EEA1: variants seen among roughly 807,000 people sequenced by gnomAD.
EEA1 encodes early endosome antigen 1.
EEA1 carries 111 observed loss-of-function variants against 209.2 expected under a neutral mutation model. That is an observed-to-expected ratio of 0.53 (90% confidence interval 0.45 to 0.62). EEA1 has a LOEUF of 0.62. Among genes scored for constraint, EEA1 ranks in the 20% least tolerant of loss-of-function variants. EEA1 has a pLI of 0.00. For missense variants in EEA1, 1,343 were observed against 1,530.8 expected, an observed-to-expected ratio of 0.88 and a Z score of 2.05; for synonymous variants, 536 against 540.6, an observed-to-expected ratio of 0.99 and a Z score of 0.12.
chr12:92,914,565 C>T (rs754353286), intron 1 of EEA1, among the ~76,000 whole-genome samples: 2 of 152,096 alleles, frequency 1.3e-5, no homozygotes, highest in African/African-American at 2.4e-5. Context: ...CTGGCTCACA[C>T]CTGTAATCCC....
chr12:92,811,408 C>T lies in EEA1; in HGVS notation c.2070G>A (p.Leu690=). The change falls in exon 17 of 29, where the codon TTG becomes TTA. Residue 690 remains leucine, a synonymous_variant. Transcript: ENST00000322349. ...CTTGTAACTTTGCAGTGACCTGATC[C>T]AACTGAGTAGTAATCTTATTTAACT... ...QQELNKITTQ[L]DQVTAKLQDK... 2 of 1,584,460 alleles carry T rather than the reference C, an allele frequency of 1.3e-6. No individual in the cohort carries two copies. The highest frequency in any genetic ancestry group is 1.7e-6 in the Non-Finnish European group (2 of 1,168,154).
chr12:92,793,962 A>AT (rs1874531648), intron 21 of EEA1, among the ~76,000 whole-genome samples: 1 of 152,154 alleles, frequency 6.6e-6, no homozygotes, highest in Non-Finnish European at 1.5e-5. Flanking sequence ...ATGGGAGAAA[A>AT]TTTTTGCAAT....
At chr12:92,927,667 A>T (rs1194582200) in intron 1 of EEA1, among the ~76,000 whole-genome samples, 2 of 152,244 alleles carry the variant, frequency 1.3e-5, no homozygotes, top group Non-Finnish European at 2.9e-5. Context: ...AACATGAGGT[A>T]ATCAGTTCCT....
At chr12:92,835,713 T>C (rs1290947101) in intron 10 of EEA1, among the ~76,000 whole-genome samples, 1 of 152,102 alleles carries the variant, frequency 6.6e-6, no homozygotes, top group Non-Finnish European at 1.5e-5. Context: ...GCCCGGCTGA[T>C]AGTTTCACTC....
At chr12:92,837,467 C>T (rs1219014719) in intron 10 of EEA1, among the ~76,000 whole-genome samples, 1 of 152,034 alleles carries the variant, frequency 6.6e-6, no homozygotes, top group African/African-American at 2.4e-5. Flanking sequence ...AGAACTGGGA[C>T]TGGTGAAAAA....
intron 12 of EEA1, among the ~76,000 whole-genome samples, chr12:92,826,536 T>C (rs573641684): frequency 0.03 from 4,543 of 150,106 alleles, 121 homozygotes; most frequent in Non-Finnish European, 0.044. Context: ...GGTGAAACCC[T>C]GTCTCTACTA....
chr12:92,855,262 T>C (rs1877820525), intron 5 of EEA1, among the ~76,000 whole-genome samples: 1 of 152,166 alleles, frequency 6.6e-6, no homozygotes, highest in Non-Finnish European at 1.5e-5. Flanking sequence ...ACCCCGTCTC[T>C]ACTAAAAATA....
chr12:92,902,026 T>C (rs1360010156), intron 1 of EEA1, among the ~76,000 whole-genome samples: 5 of 152,164 alleles, frequency 3.3e-5, no homozygotes, highest in African/African-American at 7.2e-5. Context: ...GAATGATTTA[T>C]GCTAAAAATT....
chr12:92,903,138 C>T (rs11831696), intron 1 of EEA1, among the ~76,000 whole-genome samples: 2,809 of 151,616 alleles, frequency 0.019, 95 homozygotes, highest in African/African-American at 0.063. Flanking sequence ...AGGGTTTCAC[C>T]GTGTTAGCCA....
chr12:92,921,769 A>G (rs1261466633), intron 1 of EEA1, among the ~76,000 whole-genome samples: 7 of 148,742 alleles, frequency 4.7e-5, no homozygotes, highest in Non-Finnish European at 9.0e-5. Flanking sequence ...GAAAAAAAAA[A>G]AAAAAAAAGA....
intron 13 of EEA1, among the ~76,000 whole-genome samples, chr12:92,820,023 T>C (rs1592719063): frequency 6.6e-6 from 1 of 152,204 alleles, no homozygotes; most frequent in Admixed American, 6.5e-5. Context: ...TATCATTTTC[T>C]TTCCATAGCG....
chr12:92,834,692 T>G (rs977329897), intron 10 of EEA1, among the ~76,000 whole-genome samples: 1 of 150,926 alleles, frequency 6.6e-6, no homozygotes, highest in Non-Finnish European at 1.5e-5. Flanking sequence ...AAAAAAGACA[T>G]AGAGCCAAGA....
At chr12:92,781,897 C>CT in intron 23 of EEA1, 53 bp downstream of exon 23, 1 of 1,524,556 alleles carries the variant, frequency 6.6e-7, no homozygotes, top group Non-Finnish European at 8.9e-7. Context: ...TGGATGATCT[C>CT]TAAGACAACT....
chr12:92,869,985 G>A (rs1449417099), intron 2 of EEA1, among the ~76,000 whole-genome samples: 2 of 152,012 alleles, frequency 1.3e-5, no homozygotes, highest in Non-Finnish European at 2.9e-5. Flanking sequence ...CATCCTACAT[G>A]CACCCATTTT....
chr12:92,909,424 T>G (rs1281728871), intron 1 of EEA1, among the ~76,000 whole-genome samples: 2 of 152,146 alleles, frequency 1.3e-5, no homozygotes, highest in Non-Finnish European at 2.9e-5. Flanking sequence ...GCAAAACACA[T>G]TGACTGTAAT....
At chr12:92,920,660 G>A (rs1032521417) in intron 1 of EEA1, among the ~76,000 whole-genome samples, 1 of 150,510 alleles carries the variant, frequency 6.6e-6, no homozygotes, top group African/African-American at 2.5e-5. Flanking sequence ...AGAAAACCTA[G>A]GCATTACCAT....
intron 15 of EEA1, 148 bp from the exon 16 acceptor site, chr12:92,813,241 T>A: frequency 2.2e-6 from 1 of 446,214 alleles, no homozygotes; most frequent in South Asian, 5.9e-5. Context: ...AAAATATGTA[T>A]GTGAAAATCG....
At position 92,889,005 on chromosome 12, in the gene EEA1, C is replaced by T. The variant is rs114278127; in HGVS notation, c.117+2624G>A. Among the ~76,000 whole-genome samples, 899 of 151,166 alleles carry T rather than the reference C, an allele frequency of 5.9e-3. 10 individuals carry two copies. Among genetic ancestry groups the T allele is most frequent in the African/African-American group, 0.02 (820 of 41,138 alleles). ...TCTCTACTAAAAATACAAAAAAATT[C>T]GCAGGGTGTGGTGGCACGTGCCTGT... On this transcript the variant is annotated intron_variant, in intron 2 of 28. Transcript: ENST00000322349.
intron 1 of EEA1, among the ~76,000 whole-genome samples, chr12:92,922,058 A>C (rs1190963774): frequency 6.6e-6 from 1 of 152,088 alleles, no homozygotes; most frequent in Admixed American, 6.6e-5. Context: ...GGTATGACCC[A>C]ATTGTCACAT....
Sources: gnomAD v4.1 joint callset for allele counts (sites outside exome capture counted in the v4.1 genomes callset) on GRCh38, gnomAD v4.1.1 for gene constraint, MANE v1.5 for transcripts, NCBI Gene and HGNC (gene_info 2026-07-23, HGNC 2026-07-21) for gene names.